C16orf96: variants seen among roughly 807,000 people sequenced by gnomAD.
The protein encoded by C16orf96 is uncharacterized protein C16orf96.
A neutral mutation model predicts 103.6 loss-of-function variants in C16orf96; 108 were observed. The ratio of observed to expected loss-of-function variants is 1.04; its 90% confidence interval spans 0.89 to 1.22. C16orf96 has a LOEUF of 1.22. Ranked by LOEUF, C16orf96 falls within the 50% of genes most tolerant of loss-of-function variation. The pLI, the probability that C16orf96 is intolerant of heterozygous loss-of-function variation, is 0.00. For synonymous variants in C16orf96, 566 were observed against 593.5 expected (o/e 0.95, Z 0.67); for missense variants, 1,586 against 1,464.2 (o/e 1.08, Z -1.36).
the C16orf96 span, among the ~76,000 whole-genome samples, chr16:4,540,061 A>G: frequency 6.6e-6 from 1 of 151,662 alleles, no homozygotes; most frequent in Admixed American, 6.6e-5. Flanking sequence ...TGTGGATTAA[A>G]CTCTTTCTCT....
At chr16:4,553,791 A>G (rs569613072), upstream of C16orf96, among the ~76,000 whole-genome samples, 1 of 152,258 alleles carries the variant, frequency 6.6e-6, no homozygotes, top group East Asian at 1.9e-4. Context: ...AACGTTTTCC[A>G]TCAGCACTGG....
At chr16:4,581,136 GTATACATATA>G (rs1385561867) in intron 7 of C16orf96, among the ~76,000 whole-genome samples, 4 of 40,776 alleles carry the variant, frequency 9.8e-5, no homozygotes, top group African/African-American at 2.7e-4. Flanking sequence ...AAATATATAT[GTATACATATA>G]TATATATATA....
chr16:4,580,112 T>C lies in C16orf96; in HGVS notation c.2339T>C (p.Met780Thr). ...GCGGTGGAGAACCTGCAGATTCGCA[T>C]GGATGAGTTCAAGGTTAGGAGGACT... ...DKAVENLQIR[M>T]DEFKTLQAQI... Residue 780 changes from methionine (M) to threonine (T), a missense_variant, in exon 7 of 16, where the codon ATG becomes ACG. Transcript: ENST00000444310. 1 of 1,535,104 alleles carries C rather than the reference T, an allele frequency of 6.5e-7. No homozygotes were observed. Among genetic ancestry groups the C allele is most frequent in the South Asian group, 1.2e-5 (1 of 80,824 alleles).
chr16:4,552,163 G>A (rs1279037860), upstream of C16orf96, among the ~76,000 whole-genome samples: 9 of 152,056 alleles, frequency 5.9e-5, no homozygotes, highest in African/African-American at 1.9e-4. Context: ...ACCCTTTTAT[G>A]TATGTAATTC....
At chr16:4,579,063 G>A in intron 6 of C16orf96, 38 bp downstream of exon 6, 2 of 1,526,446 alleles carry the variant, frequency 1.3e-6, no homozygotes, top group Non-Finnish European at 1.8e-6. Flanking sequence ...AGGCAGTGAT[G>A]GCTTGAGGTG....
At chr16:4,585,910 G>A (rs138647416) in intron 7 of C16orf96, among the ~76,000 whole-genome samples, 4 of 152,236 alleles carry the variant, frequency 2.6e-5, no homozygotes, top group Admixed American at 6.5e-5. Context: ...AAGACAGACC[G>A]AGCAGGATAA....
chr16:4,575,895 G>A lies in C16orf96; in HGVS notation c.1415G>A (p.Arg472Lys). The A allele has an allele frequency of 6.4e-7, 1 of 1,551,590 alleles. No individual in the cohort carries two copies. The highest frequency in any genetic ancestry group is 1.2e-5 in the South Asian group (1 of 84,064). ...DVPSLRGLRE[R>K]ARKDGAPKDR... ...CCCAGCCTAAGGGGCCTTCGGGAGA[G>A]GGCCCGCAAGGATGGGGCCCCCAAG... Residue 472 changes from arginine to lysine, a missense_variant, in exon 5 of 16, where the codon AGG (arginine) becomes AAG (lysine). Arg to Lys is a conservative substitution (Grantham distance 26, BLOSUM62 2). Transcript: ENST00000444310.
chr16:4,570,176 T>C (rs1482466611), intron 1 of C16orf96, among the ~76,000 whole-genome samples: 1 of 152,156 alleles, frequency 6.6e-6, no homozygotes, highest in Non-Finnish European at 1.5e-5. Flanking sequence ...CTGGAACTCC[T>C]GAGCTCAAAT....
chr16:4,553,100 G>A (rs1301905273), upstream of C16orf96, among the ~76,000 whole-genome samples: 1 of 152,144 alleles, frequency 6.6e-6, no homozygotes, highest in Non-Finnish European at 1.5e-5. Flanking sequence ...CAGCTCAGAT[G>A]TCACCTCCCC....
At chr16:4,568,306 A>G (rs78333896) in intron 1 of C16orf96, among the ~76,000 whole-genome samples, 1,609 of 152,310 alleles carry the variant, frequency 0.011, 24 homozygotes, top group African/African-American at 0.035. Context: ...TGGCTTTACC[A>G]TATGGTCTAC....
In C16orf96 at chr16:4,587,039, ACTCTCCAGG is replaced by A. The variant is rs1470161201; in HGVS notation, c.2357_2365del (p.Leu786_Ala788del). ...GACATGCCTGTGCTTCTGTTCTTAG[ACTCTCCAGG>A]CTCAAATCAAAAGACTGGAAATGAA... On this transcript the variant is annotated inframe_deletion and splice_region_variant, in exon 8 of 16. Transcript: ENST00000444310. The A allele has an allele frequency of 5.2e-6, 8 of 1,551,114 alleles. No homozygotes were observed. The highest frequency in any genetic ancestry group is 2.7e-5 in the African/African-American group (2 of 72,978).
Position 4,575,184 on chromosome 16 carries a change from C to T in C16orf96, c.704C>T (p.Ser235Leu), listed in dbSNP as rs1265266686. 1 of 1,545,976 alleles carries T rather than the reference C, an allele frequency of 6.5e-7. No homozygotes were observed. Among genetic ancestry groups the T allele is most frequent in the South Asian group, 1.2e-5 (1 of 84,028 alleles). The part of the protein sequence containing the change: ...HDAMFTSEIG[S>L]SPLDLWQSVE... ...CCCCCTCTTCTGCAGGAAATTGGTTCATCACCACTGGACCTGTGGCAGTCT... is the reference window on the plus strand; with the variant it reads ...CCCCCTCTTCTGCAGGAAATTGGTTTATCACCACTGGACCTGTGGCAGTCT... Residue 235 changes from serine to leucine, a missense_variant, in exon 5 of 16, where the codon TCA becomes TTA. Transcript: ENST00000444310.
At chr16:4,594,009 A>G (rs1897115962) in intron 12 of C16orf96, among the ~76,000 whole-genome samples, 1 of 152,116 alleles carries the variant, frequency 6.6e-6, no homozygotes, top group Non-Finnish European at 1.5e-5. Context: ...AATCGTCACC[A>G]CAGCCGTGGG....
intron 12 of C16orf96, 88 bp from the exon 13 acceptor site, chr16:4,594,263 C>G (rs1897121116): frequency 1.2e-5 from 17 of 1,430,502 alleles, no homozygotes; most frequent in Non-Finnish European, 1.6e-5. Flanking sequence ...GCTGGTCTTC[C>G]CTCGATGCTG....
intron 1 of C16orf96, among the ~76,000 whole-genome samples, chr16:4,558,046 C>T (rs1243707557): frequency 6.6e-6 from 1 of 152,196 alleles, no homozygotes; most frequent in African/African-American, 2.4e-5. Context: ...AACAGGCACG[C>T]CCGGCCTAGC....
At chr16:4,552,111 C>T (rs1596507643), upstream of C16orf96, among the ~76,000 whole-genome samples, 6 of 152,170 alleles carry the variant, frequency 3.9e-5, 1 homozygote, top group South Asian at 1.2e-3. Flanking sequence ...TTTATGGCTG[C>T]AGTTTGGGGA....
intron 7 of C16orf96, among the ~76,000 whole-genome samples, chr16:4,585,160 A>C (rs1395643548): frequency 6.6e-6 from 1 of 152,062 alleles, no homozygotes; most frequent in African/African-American, 2.4e-5. Context: ...AAATAAAAAT[A>C]AAAAGCATAA....
chr16:4,547,685 C>CTTTCTTTCTTTCT, the C16orf96 span, among the ~76,000 whole-genome samples: 1 of 107,678 alleles, frequency 9.3e-6, no homozygotes, highest in African/African-American at 5.5e-5. Flanking sequence ...TCCTTCCTTC[C>CTTTCTTTCTTTCT]TTCCTTCTTT....
At chr16:4,596,388 G>A (rs1159108731) in intron 14 of C16orf96, among the ~76,000 whole-genome samples, 1 of 152,070 alleles carries the variant, frequency 6.6e-6, no homozygotes, top group Non-Finnish European at 1.5e-5. Context: ...AGGAGGCTGG[G>A]GCGGGAGAAT....
Sources: gnomAD v4.1 joint callset for allele counts (sites outside exome capture counted in the v4.1 genomes callset) on GRCh38, gnomAD v4.1.1 for gene constraint, MANE v1.5 for transcripts, NCBI Gene and HGNC (gene_info 2026-07-23, HGNC 2026-07-21) for gene names.